The following MTMR6 variants were observed in gnomAD, a reference collection of about 807,000 sequenced individuals.
MTMR6 encodes myotubularin related protein 6.
In MTMR6, 47 loss-of-function variants were observed where a neutral mutation model predicts 80.1. The ratio of observed to expected loss-of-function variants is 0.59; its 90% CI spans 0.46 to 0.75. The LOEUF (loss-of-function observed/expected upper bound fraction) is 0.75. MTMR6 is among the 30% of genes least tolerant of loss of function. The pLI is 0.00. For missense variants in MTMR6, 629 were observed against 730.9 expected (o/e 0.86, Z 1.61); for synonymous variants, 254 against 253.0 (o/e 1.00, Z -0.04).
chr13:25,262,943 G>A (rs1195094901), intron 5 of MTMR6, among the ~76,000 whole-genome samples: 3 of 152,214 alleles, frequency 2.0e-5, no homozygotes, highest in African/African-American at 4.8e-5. Context: ...TGTCAAGAGA[G>A]GCCATAACCA....
chr13:25,275,330 G>A lies in MTMR6; in HGVS notation c.25-1143C>T, dbSNP rs529139318. Among the ~76,000 whole-genome samples, 390 of 152,130 alleles carry A rather than the reference G, an allele frequency of 2.6e-3. 1 individual carries two copies. Among genetic ancestry groups the A allele is most frequent in the Non-Finnish European group, 4.1e-3 (277 of 67,994 alleles). ...CCAGCTACTTGGGAGGCTGAGGCAG[G>A]AGAATTGCTTGAACCCAGACGGTGG... On this transcript the variant is annotated intron_variant, in intron 1 of 13. Transcript: ENST00000381801.
intron 11 of MTMR6, 49 bp from the exon 12 acceptor site, chr13:25,252,033 AG>A: frequency 6.4e-7 from 1 of 1,555,114 alleles, no homozygotes; most frequent in East Asian, 2.2e-5. Flanking sequence ...GATGCAAAGT[AG>A]TAATGGTAAT....
At chr13:25,268,011 G>T in intron 2 of MTMR6, 70 bp from the exon 3 acceptor site, 2 of 1,398,000 alleles carry the variant, frequency 1.4e-6, no homozygotes, top group South Asian at 1.6e-5. Flanking sequence ...GAATGCATAA[G>T]TTTAAGAATG....
intron 1 of MTMR6, 108 bp downstream of exon 1, chr13:25,287,100 CCCGGGCCGGGTCTCCG>C (rs1244489704): frequency 4.3e-6 from 6 of 1,407,736 alleles, no homozygotes; most frequent in Non-Finnish European, 5.8e-6. Context: ...ACCCTCCCGC[CCCGGGCCGGGTCTCCG>C]CCGGGCCGGC....
chr13:25,273,926 G>A (rs1957642593), intron 2 of MTMR6, 145 bp downstream of exon 2: 1 of 588,092 alleles, frequency 1.7e-6, no homozygotes, highest in African/African-American at 1.9e-5. Flanking sequence ...AGAAGGGAGG[G>A]CAGGAGTGAT....
chr13:25,266,428 T>C, intron 3 of MTMR6, 142 bp from the exon 4 acceptor site: 1 of 692,878 alleles, frequency 1.4e-6, no homozygotes, highest in Non-Finnish European at 2.3e-6. Flanking sequence ...ACATTTGATG[T>C]TCAGTATGCA....
chr13:25,274,998 A>ACACACACACACACACACACG (rs1957686162), intron 1 of MTMR6, among the ~76,000 whole-genome samples: 1 of 145,628 alleles, frequency 6.9e-6, no homozygotes, highest in East Asian at 2.2e-4. Context: ...ACACACACAC[A>ACACACACACACACACACACG]CACACACACT....
At chr13:25,257,498 A>G (rs950902315) in intron 8 of MTMR6, among the ~76,000 whole-genome samples, 177 bp from the exon 9 acceptor site, 3 of 151,934 alleles carry the variant, frequency 2.0e-5, no homozygotes, top group Non-Finnish European at 4.4e-5. Flanking sequence ...ACACAAGCAA[A>G]CAAACAAAAA....
At chr13:25,260,875 G>A (rs949314075) in intron 6 of MTMR6, among the ~76,000 whole-genome samples, 3 of 151,972 alleles carry the variant, frequency 2.0e-5, no homozygotes, top group African/African-American at 7.2e-5. Flanking sequence ...CCAAATTCCT[G>A]TTCACTATTT....
At chr13:25,266,957 G>A (rs1285599253) in intron 3 of MTMR6, among the ~76,000 whole-genome samples, 4 of 152,176 alleles carry the variant, frequency 2.6e-5, no homozygotes, top group Admixed American at 2.6e-4. Context: ...CAGGGCATAA[G>A]TAGCGATAAG....
chr13:25,255,116 T>C (rs1049344813), intron 9 of MTMR6, among the ~76,000 whole-genome samples: 2 of 152,234 alleles, frequency 1.3e-5, no homozygotes, highest in South Asian at 4.1e-4. Flanking sequence ...ATCACTTAAC[T>C]ATACAGTCAC....
intron 10 of MTMR6, 49 bp downstream of exon 10, chr13:25,254,336 C>T (rs768608680): frequency 1.9e-5 from 25 of 1,348,776 alleles, no homozygotes; most frequent in Admixed American, 3.4e-5. Context: ...GCATTCTAAA[C>T]TTGGTTTACT....
rs1052425139 is a variant in MTMR6 at position 25,247,868 on chromosome 13, C to T, written c.*1364G>A. 2 of 152,032 alleles carry T rather than the reference C, an allele frequency of 1.3e-5. No individual in the cohort carries two copies. The highest frequency in any genetic ancestry group is 2.9e-5 in the Non-Finnish European group (2 of 67,964). The allele number at this position is 152,032 out of a possible 1,614,324, so 9.4% of individuals were successfully genotyped here. ...AACACTATGCAAATTGCCTAATACT[C>T]GAATTGTACTTCATGCCACCATGTT... On this transcript the variant is annotated 3_prime_UTR_variant, in exon 14 of 14. Transcript: ENST00000381801.
At chr13:25,264,170 T>A in intron 5 of MTMR6, among the ~76,000 whole-genome samples, 1 of 148,128 alleles carries the variant, frequency 6.8e-6, no homozygotes. Flanking sequence ...TTTCAGAAAA[T>A]AGGAAAAGCT....
Position 25,257,752 on chromosome 13 carries a change from G to A in MTMR6, c.953C>T (p.Ala318Val), listed in dbSNP as rs1957246066. 3 of 1,612,212 alleles carry A rather than the reference G, an allele frequency of 1.9e-6. No individual in the cohort carries two copies. Among genetic ancestry groups the A allele is most frequent in the Non-Finnish European group, 2.5e-6 (3 of 1,178,582 alleles). The change falls in exon 8 of 14, where the codon GCA becomes GTA. Residue 318 changes from alanine (A) to valine (V), a missense_variant. Transcript: ENST00000381801. ...LRHIKAVMDA[A>V]IFLAKAITVE... is the part of the protein sequence containing the mutation. ...AAGTATTACTTTGGCCAAGAAGATT[G>A]CAGCATCCATAACAGCTTTGATATG...
At chr13:25,259,729 G>A (rs1425929830) in intron 6 of MTMR6, among the ~76,000 whole-genome samples, 1 of 151,994 alleles carries the variant, frequency 6.6e-6, no homozygotes, top group Non-Finnish European at 1.5e-5. Flanking sequence ...TCTTCAAAAA[G>A]TCTCATATTA....
chr13:25,268,724 C>T (rs887455315), intron 2 of MTMR6, among the ~76,000 whole-genome samples: 5 of 152,146 alleles, frequency 3.3e-5, no homozygotes, highest in Non-Finnish European at 5.9e-5. Flanking sequence ...GCCAGGGTTG[C>T]GCGCTCTGCA....
rs767779503 is a variant in MTMR6 at position 25,251,711 on chromosome 13, T to C, written c.1543A>G (p.Ile515Val). 5.3e-5 allele frequency: 83 copies of C among 1,577,206 alleles called. No individual in the cohort carries two copies. The highest frequency in any genetic ancestry group is 7.0e-5 in the Non-Finnish European group (81 of 1,150,886). Residue 515 changes from isoleucine to valine, a missense_variant, in exon 13 of 14, where the codon ATA (isoleucine) becomes GTA (valine). Transcript: ENST00000381801. This position sits in a 1 kb window ranked among gnomAD's most constrained non-coding sequence, Gnocchi z 4.1. Reference sequence around the variant, plus strand: ...TTTTGCTCATTCATATTCATAATTATATTAAATACAGACTGCCTAGGATGC... The same window carrying C: ...TTTTGCTCATTCATATTCATAATTACATTAAATACAGACTGCCTAGGATGC... ...TLHPRQSVFNIIMNMNEQNKQ... is the reference protein window; with the variant it reads ...TLHPRQSVFNVIMNMNEQNKQ...
chr13:25,279,037 C>T (rs185169909), intron 1 of MTMR6, among the ~76,000 whole-genome samples: 35 of 152,300 alleles, frequency 2.3e-4, no homozygotes, highest in African/African-American at 7.9e-4. Flanking sequence ...AACTAAGGGC[C>T]AATCTATCTG....
Sources: allele counts gnomAD v4.1 joint callset (sites outside exome capture counted in the v4.1 genomes callset), GRCh38; gene constraint gnomAD v4.1.1; non-coding constraint Gnocchi (gnomAD v3.1); transcripts MANE v1.5; gene names NCBI Gene and HGNC (gene_info 2026-07-23, HGNC 2026-07-21).